MAGI1: variants seen among roughly 807,000 people sequenced by gnomAD.
MAGI1 encodes the protein membrane-associated guanylate kinase, WW and PDZ domain-containing protein 1.
A neutral mutation model predicts 139.9 loss-of-function variants in MAGI1; 58 were observed. That is an observed-to-expected ratio of 0.41 (90% CI 0.34 to 0.52). The LOEUF (loss-of-function observed/expected upper bound fraction) is 0.52, where lower values mean the gene tolerates loss of function less well. Ranked by LOEUF, MAGI1 falls within the 20% of genes least tolerant of loss-of-function variation. The pLI, the probability that MAGI1 is intolerant of heterozygous loss-of-function variation, is 0.12. For missense variants in MAGI1, 1,874 were observed against 1,901.6 expected (o/e 0.99, Z 0.27); for synonymous variants, 812 against 737.9 (o/e 1.10, Z -1.63).
chr3:65,740,285 C>T (rs1979820), intron 1 of MAGI1, among the ~76,000 whole-genome samples: 138,038 of 152,246 alleles, frequency 0.91, 64,055 homozygotes, highest in East Asian at 1. Flanking sequence ...CACTGGTCAT[C>T]GTGTGAGGGA....
In MAGI1 at chr3:66,038,531, C is replaced by A; in HGVS notation, c.-223G>T. On this transcript the variant is annotated 5_prime_UTR_variant, in exon 1 of 23. Coordinates refer to ENST00000402939, the MANE Select transcript of MAGI1 (RefSeq NM_001033057.2). ...CCCGCGAGCCCCGCACAGGCGCCCG[C>A]GAGCTTTGTTTGCATTCCGGTGCCT... The A allele has an allele frequency of 1.8e-6, 1 of 570,598 alleles. No individual in the cohort carries two copies. 35.3% of individuals were successfully genotyped at this position (570,598 alleles called of 1,614,324 possible). A position where few individuals can be genotyped will look rare whatever the true frequency, so the allele number is the denominator to read the frequency against.
intron 5 of MAGI1, among the ~76,000 whole-genome samples, chr3:65,469,320 T>A (rs960711483): frequency 7.2e-5 from 11 of 152,274 alleles, no homozygotes; most frequent in African/African-American, 2.2e-4. Flanking sequence ...GTATTTTTTT[T>A]AAATTTAATC....
At chr3:65,360,887 A>T (rs991231466) in intron 22 of MAGI1, 14 of 1,249,168 alleles carry the variant, frequency 1.1e-5, no homozygotes, top group Admixed American at 7.5e-5. Context: ...ATTGGATCTG[A>T]GGAACAGTTT....
At chr3:65,829,528 TCTG>T (rs1381997533) in intron 1 of MAGI1, among the ~76,000 whole-genome samples, 1 of 152,178 alleles carries the variant, frequency 6.6e-6, no homozygotes, top group Non-Finnish European at 1.5e-5. Flanking sequence ...AGACATCATA[TCTG>T]CTGGTGCCTT....
intron 1 of MAGI1, among the ~76,000 whole-genome samples, chr3:65,822,952 C>A (rs1448182651): frequency 1.3e-5 from 2 of 152,168 alleles, no homozygotes; most frequent in African/African-American, 4.8e-5. Context: ...GGACACAGAT[C>A]CAAACCATAT....
At chr3:65,913,805 T>C (rs1219151994) in intron 1 of MAGI1, among the ~76,000 whole-genome samples, 2 of 152,156 alleles carry the variant, frequency 1.3e-5, no homozygotes, top group Non-Finnish European at 2.9e-5. Context: ...CTTCGGAACA[T>C]ATCGTATTTT....
intron 2 of MAGI1, among the ~76,000 whole-genome samples, chr3:65,536,401 C>G (rs2078959578): frequency 6.6e-6 from 1 of 152,154 alleles, no homozygotes; most frequent in Admixed American, 6.5e-5. Context: ...TGAAATATTG[C>G]TAGAGCATAC....
At chr3:65,776,435 T>C (rs1273484024) in intron 1 of MAGI1, among the ~76,000 whole-genome samples, 4 of 152,282 alleles carry the variant, frequency 2.6e-5, no homozygotes, top group East Asian at 1.9e-4. Flanking sequence ...TTTTTAAAAA[T>C]GGTAACCCTT....
At chr3:65,807,790 G>A (rs1418367485) in intron 1 of MAGI1, among the ~76,000 whole-genome samples, 3 of 152,126 alleles carry the variant, frequency 2.0e-5, no homozygotes, top group Admixed American at 1.3e-4. Flanking sequence ...TAAACACAAC[G>A]TGATAATCCT....
intron 12 of MAGI1, among the ~76,000 whole-genome samples, chr3:65,404,963 T>C (rs1945214215): frequency 6.6e-6 from 1 of 152,140 alleles, no homozygotes; most frequent in Non-Finnish European, 1.5e-5. Flanking sequence ...ATATAAGGCA[T>C]ACATATAAGG....
chr3:65,368,803 C>T (rs569608360), intron 18 of MAGI1, among the ~76,000 whole-genome samples: 11 of 152,312 alleles, frequency 7.2e-5, no homozygotes, highest in African/African-American at 2.2e-4. Flanking sequence ...TAAGCAAATA[C>T]TTTGAATCAG....
At chr3:65,636,945 C>CA (rs2084662185) in intron 1 of MAGI1, among the ~76,000 whole-genome samples, 1 of 152,222 alleles carries the variant, frequency 6.6e-6, no homozygotes, top group South Asian at 2.1e-4. Context: ...TCAATATACA[C>CA]AAGGTTAAGC....
chr3:65,468,468 C>G (rs1396387514), intron 5 of MAGI1, among the ~76,000 whole-genome samples: 1 of 146,382 alleles, frequency 6.8e-6, no homozygotes, highest in Non-Finnish European at 1.5e-5. Flanking sequence ...CTCCACCTCC[C>G]AGGTTCAAGT....
At chr3:65,370,755 C>T (rs1196624218) in intron 18 of MAGI1, among the ~76,000 whole-genome samples, 6 of 152,194 alleles carry the variant, frequency 3.9e-5, no homozygotes, top group Non-Finnish European at 8.8e-5. Context: ...GCCATCCTCC[C>T]GCCAGCGTAT....
At chr3:65,423,340 G>A (rs1256235349) in intron 12 of MAGI1, among the ~76,000 whole-genome samples, 2 of 151,944 alleles carry the variant, frequency 1.3e-5, no homozygotes, top group Admixed American at 6.6e-5. Flanking sequence ...TAATTATGAT[G>A]GTTTTGTATC....
rs150554545 is a variant in MAGI1 at position 65,813,173 on chromosome 3, A to G, written c.314-191085T>C. ...TGAGAGGTGAACATGGCATTTGCAC[A>G]TATACCTGAACTGACTTCCAAGCTA... is the stretch of plus-strand genomic sequence containing the variant. On this transcript the variant is annotated intron_variant, in intron 1 of 22. Transcript: ENST00000402939. Among the ~76,000 whole-genome samples the G allele has an allele frequency of 4.3e-3, 657 of 152,276 alleles. 2 individuals carry two copies. Among genetic ancestry groups the G allele is most frequent in the South Asian group, 0.023 (112 of 4,822 alleles).
intron 1 of MAGI1, among the ~76,000 whole-genome samples, chr3:65,986,769 C>T (rs909041082): frequency 6.6e-6 from 1 of 151,910 alleles, no homozygotes; most frequent in Non-Finnish European, 1.5e-5. Context: ...GTCCAACGGT[C>T]TTCTTACAAG....
intron 1 of MAGI1, among the ~76,000 whole-genome samples, chr3:65,654,172 T>A (rs2085738001): frequency 6.6e-6 from 1 of 152,186 alleles, no homozygotes; most frequent in South Asian, 2.1e-4. Context: ...AAGGTAACAT[T>A]AAATTGTTTT....
chr3:65,619,255 A>G (rs1364835312), intron 2 of MAGI1, among the ~76,000 whole-genome samples: 2 of 152,214 alleles, frequency 1.3e-5, no homozygotes. Flanking sequence ...TCTTTTGGCC[A>G]GTAAAACAGG....
Sources: allele counts gnomAD v4.1 joint callset (sites outside exome capture counted in the v4.1 genomes callset), GRCh38; gene constraint gnomAD v4.1.1; transcripts MANE v1.5; gene names NCBI Gene and HGNC (gene_info 2026-07-23, HGNC 2026-07-21).